The following UGT2B28 variants were observed in gnomAD, a reference collection of about 807,000 sequenced individuals.
UGT2B28 encodes UDP glucuronosyltransferase family 2 member B28.
UGT2B28 carries 45 observed loss-of-function variants against 43.6 expected under a neutral mutation model. The observed-to-expected ratio is 1.03, with a 90% CI of 0.81 to 1.32. UGT2B28 has a LOEUF of 1.32. Ranked by LOEUF, UGT2B28 falls within the 40% of genes most tolerant of loss-of-function variation. The pLI is 0.00. For synonymous variants in UGT2B28, 204 were observed against 208.1 expected (o/e 0.98, Z 0.17); for missense variants, 649 against 625.5 (o/e 1.04, Z -0.40).
At chr4:69,288,003 A>G (rs1560566289) in intron 3 of UGT2B28, among the ~76,000 whole-genome samples, 1 of 140,552 alleles carries the variant, frequency 7.1e-6, no homozygotes, top group East Asian at 2.0e-4. Flanking sequence ...TGGCTATAGC[A>G]GAACATATTA....
intron 5 of UGT2B28, among the ~76,000 whole-genome samples, chr4:69,293,477 T>C (rs1178365871): frequency 7.1e-6 from 1 of 140,006 alleles, no homozygotes; most frequent in East Asian, 2.0e-4. Context: ...ATTCTAGGAA[T>C]CAGATAGAAA....
Position 69,284,808 on chromosome 4 carries a change from T to C in UGT2B28, c.871-1944T>C, listed in dbSNP as rs1220716813. 1.4e-5 allele frequency among the ~76,000 whole-genome samples: 2 copies of C among 140,530 alleles called. 1 individual carries two copies. Among genetic ancestry groups the C allele is most frequent in the Non-Finnish European group, 3.0e-5 (2 of 65,786 alleles). The allele number at this position is 140,530 out of a possible 152,430, so 92.2% of individuals were successfully genotyped here. The stretch of plus-strand genomic sequence containing the variant: ...AGGTTGCTTTCTTTTCAATTATATA[T>C]TACATTCTCAGATAATTTCTATATA... On this transcript the variant is annotated intron_variant, in intron 2 of 5. Transcript: ENST00000335568.
rs532301355 is a variant in UGT2B28, at chr4:69,293,875, A to T, written c.1311-655A>T. On this transcript the variant is annotated intron_variant, in intron 5 of 5. Transcript: ENST00000335568. Reference sequence around the variant, plus strand: ...AGTGCCATAATCTGACTTTAATTTCAAAAAATCATTCTGGCTACAGGGTGG... The same window carrying T: ...AGTGCCATAATCTGACTTTAATTTCTAAAAATCATTCTGGCTACAGGGTGG... 9.2e-5 allele frequency among the ~76,000 whole-genome samples: 13 copies of T among 140,914 alleles called. 1 individual carries two copies. The highest frequency in any genetic ancestry group is 2.2e-4 in the African/African-American group (8 of 36,146). 92.4% of individuals were successfully genotyped at this position (140,914 alleles called of 152,430 possible). A position where few individuals can be genotyped will look rare whatever the true frequency, so the allele number is the denominator to read the frequency against.
rs1371904472 is a variant in UGT2B28 at position 69,283,216 on chromosome 4, A to G, written c.870+554A>G. On this transcript the variant is annotated intron_variant, in intron 2 of 5. Transcript: ENST00000335568. ...AAATAGGTAAAAGAATGGCGGGGAG[A>G]GGCAGACAAAAAGGGAAAGCAGATA... 1.2e-4 allele frequency among the ~76,000 whole-genome samples: 17 copies of G among 139,056 alleles called. 2 individuals carry two copies. The highest frequency in any genetic ancestry group is 8.7e-4 in the Admixed American group (12 of 13,776). 91.2% of individuals were successfully genotyped at this position (139,056 alleles called of 152,430 possible).
chr4:69,288,798 C>T (rs1356391961), intron 3 of UGT2B28, among the ~76,000 whole-genome samples: 1 of 139,834 alleles, frequency 7.2e-6, no homozygotes, highest in African/African-American at 2.8e-5. Flanking sequence ...TATGTATCCA[C>T]GTGTTCTCAT....
At position 69,293,083 on chromosome 4, in the gene UGT2B28, T is replaced by C. The variant is rs551514186; in HGVS notation, c.1311-1447T>C. Among the ~76,000 whole-genome samples the C allele has an allele frequency of 9.9e-5, 14 of 140,898 alleles. 4 individuals carry two copies. Among genetic ancestry groups the C allele is most frequent in the African/African-American group, 3.6e-4 (13 of 36,258 alleles). The allele number at this position is 140,898 out of a possible 152,430, so 92.4% of individuals were successfully genotyped here. A position where few individuals can be genotyped will look rare whatever the true frequency, so the allele number is the denominator to read the frequency against. ...TATTCATCGTAAAATGAAGACATAA[T>C]CTGTGGTTTATCAATCAACAGAATA... is the stretch of plus-strand genomic sequence containing the variant. On this transcript the variant is annotated intron_variant, in intron 5 of 5. Transcript: ENST00000335568.
chr4:69,291,902 A>G (rs1723965955), intron 5 of UGT2B28, among the ~76,000 whole-genome samples: 1 of 140,122 alleles, frequency 7.1e-6, no homozygotes, highest in Non-Finnish European at 1.5e-5. Flanking sequence ...TTTTTGTTAC[A>G]GCCTTCTTAG....
At position 69,282,077 on chromosome 4, in the gene UGT2B28, A is replaced by G. The variant is rs558350894; in HGVS notation, c.722-437A>G. On this transcript the variant is annotated intron_variant, in intron 1 of 5. Transcript: ENST00000335568. ...CGAGTTCACTTGAAGAACCAAAGAT[A>G]AAAGGATTAGCTTAAGGAGTTGTGT... Among the ~76,000 whole-genome samples the G allele has an allele frequency of 1.4e-5, 2 of 140,518 alleles. 1 individual carries two copies. Among genetic ancestry groups the G allele is most frequent in the South Asian group, 4.7e-4 (2 of 4,232 alleles). 92.2% of individuals were successfully genotyped at this position (140,518 alleles called of 152,430 possible). A position where few individuals can be genotyped will look rare whatever the true frequency, so the allele number is the denominator to read the frequency against.
chr4:69,292,113 T>C (rs1723971038), intron 5 of UGT2B28, among the ~76,000 whole-genome samples: 1 of 140,930 alleles, frequency 7.1e-6, no homozygotes, highest in Non-Finnish European at 1.5e-5. Context: ...ATGGGTCAAA[T>C]CAGATATATA....
At chr4:69,289,912 T>C (rs1307172890) in intron 4 of UGT2B28, among the ~76,000 whole-genome samples, 160 bp downstream of exon 4, 1 of 140,990 alleles carries the variant, frequency 7.1e-6, no homozygotes, top group African/African-American at 2.8e-5. Context: ...TATGGTAGAA[T>C]TGCTGGCATT....
intron 1 of UGT2B28, among the ~76,000 whole-genome samples, chr4:69,281,997 T>C (rs1471950007): frequency 7.1e-6 from 1 of 140,380 alleles, no homozygotes; most frequent in Non-Finnish European, 1.5e-5. Context: ...AGATCTTAGC[T>C]CAAATCCAAA....
chr4:69,286,530 C>A (rs1416311282), intron 2 of UGT2B28, among the ~76,000 whole-genome samples: 2 of 140,204 alleles, frequency 1.4e-5, no homozygotes, highest in Non-Finnish European at 3.0e-5. Context: ...CAGACACATA[C>A]CTACATAAAC....
chr4:69,290,809 T>C lies in UGT2B28; in HGVS notation c.1308T>C (p.Pro436=). 3 of 1,558,926 alleles carry C rather than the reference T, an allele frequency of 1.9e-6. 1 individual carries two copies. Among genetic ancestry groups the C allele is most frequent in the African/African-American group, 3.0e-5 (2 of 66,254 alleles). Residue 436 remains proline, a splice_region_variant and synonymous_variant, in exon 5 of 6, where the codon CCT becomes CCC. Transcript: ENST00000335568. ...LNALKTVIND[P]SYKENVMKLS... ...CACTGAAGACAGTAATTAATGATCC[T>C]TCGTGAGTAGAACAGTATTTTTCAC...
rs367609522 is a variant in UGT2B28 at position 69,290,753 on chromosome 4, C to A, written c.1252C>A (p.His418Asn). Residue 418 changes from histidine to asparagine, a missense_variant, in exon 5 of 6, where the codon CAC becomes AAC. Coordinates refer to ENST00000335568, the MANE Select transcript of UGT2B28 (RefSeq NM_053039.2). Reference sequence around the variant, plus strand: ...GGGAGCAGCTGTTAGACTGGACTTCCACACAATGTCGAGTACAGACCTGCT... The same window carrying A: ...GGGAGCAGCTGTTAGACTGGACTTCAACACAATGTCGAGTACAGACCTGCT... ...AKGAAVRLDF[H>N]TMSSTDLLNA... The A allele has an allele frequency of 7.2e-5, 112 of 1,559,572 alleles. 13 individuals are homozygous for A. In the Middle Eastern group the frequency reaches 2.4e-3, roughly 33 times the overall value.
Position 69,286,570 on chromosome 4 carries a change from A to C in UGT2B28, c.871-182A>C, listed in dbSNP as rs763408255. On this transcript the variant is annotated intron_variant, in intron 2 of 5. Transcript: ENST00000335568. ...ATATTTACACAAATATCCTTAACAG[A>C]GGCCAACTACCTCAAACATCTTCTT... 2.2e-4 allele frequency among the ~76,000 whole-genome samples: 31 copies of C among 140,122 alleles called. 1 individual carries two copies. Among genetic ancestry groups the C allele is most frequent in the Non-Finnish European group, 3.5e-4 (23 of 65,700 alleles). 91.9% of individuals were successfully genotyped at this position (140,122 alleles called of 152,430 possible). A position where few individuals can be genotyped will look rare whatever the true frequency, so the allele number is the denominator to read the frequency against.
chr4:69,290,500 T>C, intron 4 of UGT2B28, 92 bp from the exon 5 acceptor site: 5 of 1,451,414 alleles, frequency 3.4e-6, no homozygotes, highest in Non-Finnish European at 4.7e-6. Context: ...GTTTAATGTG[T>C]TATCTAGAAA....
rs748152968 is a variant in UGT2B28 at position 69,282,642 on chromosome 4, C to A, written c.850C>A (p.Pro284Thr). 10 of 1,549,904 alleles carry A rather than the reference C, an allele frequency of 6.5e-6. 1 individual carries two copies. In the East Asian group the frequency reaches 2.3e-4, roughly 36 times the overall value. Residue 284 changes from proline (P) to threonine (T), a missense_variant, in exon 2 of 6, where the codon CCT becomes ACT. By Grantham distance (38) the Pro-to-Thr change is conservative. Coordinates refer to ENST00000335568, the MANE Select transcript of UGT2B28 (RefSeq NM_053039.2). ...TTTTGTTGGAGGACTCCACTGCAAA[C>A]CTGCCAAACCCCTACCTAAGGTAAA... ...IDFVGGLHCK[P>T]AKPLPKEMEE... is the part of the protein sequence containing the mutation.
At chr4:69,293,483 A>G (rs1420349682) in intron 5 of UGT2B28, among the ~76,000 whole-genome samples, 2 of 140,490 alleles carry the variant, frequency 1.4e-5, no homozygotes, top group Non-Finnish European at 3.0e-5. Context: ...GGAATCAGAT[A>G]GAAAATAAGC....
intron 3 of UGT2B28, among the ~76,000 whole-genome samples, chr4:69,288,698 A>C (rs1402505889): frequency 7.2e-6 from 1 of 139,048 alleles, no homozygotes; most frequent in Non-Finnish European, 1.5e-5. Flanking sequence ...CCCAGGTATT[A>C]AGACTAATAT....
Sources: allele counts gnomAD v4.1 joint callset (sites outside exome capture counted in the v4.1 genomes callset), GRCh38; gene constraint gnomAD v4.1.1; transcripts MANE v1.5; gene names NCBI Gene and HGNC (gene_info 2026-07-23, HGNC 2026-07-21).